ATXN7: variants seen among roughly 807,000 people sequenced by gnomAD.
ATXN7 encodes ataxin 7.
ATXN7 carries 12 observed loss-of-function variants against 70.5 expected under a neutral mutation model. The observed-to-expected ratio is 0.17, with a 90% CI of 0.11 to 0.28. The LOEUF (loss-of-function observed/expected upper bound fraction) is 0.28. Ranked by LOEUF, ATXN7 falls within the 10% of genes least tolerant of loss-of-function variation. The pLI, the probability that ATXN7 is intolerant of heterozygous loss-of-function variation, is 1.00. For missense variants in ATXN7, 1,256 were observed against 1,131.7 expected (o/e 1.11, Z -1.58); for synonymous variants, 498 against 448.7 (o/e 1.11, Z -1.39).
chr3:63,980,032 C>T lies in ATXN7; in HGVS notation c.617C>T (p.Ser206Phe). The T allele has an allele frequency of 6.2e-7, 1 of 1,614,178 alleles. No homozygotes were observed. The change falls in exon 6 of 13, where the codon TCT becomes TTT. Residue 206 changes from serine (S) to phenylalanine (F), a missense_variant. Coordinates refer to ENST00000674280, the MANE Select transcript of ATXN7 (RefSeq NM_001377405.1). The stretch of plus-strand genomic sequence containing the variant: ...GGCAGTGCAAGTGGAAGCAACCGTT[C>T]TTCCAGTGGAGGTGTTCTTAGCGCA... ...KGGSASGSNR[S>F]SSGGVLSASS...
intron 1 of ATXN7, among the ~76,000 whole-genome samples, chr3:63,892,478 C>T (rs1703303824): frequency 5.4e-5 from 8 of 148,844 alleles, no homozygotes; most frequent in Admixed American, 4.0e-4. Context: ...CACACACACA[C>T]ACACACACAC....
At chr3:63,989,150 C>G (rs942420908) in intron 9 of ATXN7, among the ~76,000 whole-genome samples, 1 of 152,182 alleles carries the variant, frequency 6.6e-6, no homozygotes, top group Non-Finnish European at 1.5e-5. Context: ...TAGAGCCTGT[C>G]CCAACGTGAG....
chr3:63,950,305 A>G (rs1487488608), intron 4 of ATXN7, among the ~76,000 whole-genome samples: 1 of 152,222 alleles, frequency 6.6e-6, no homozygotes, highest in African/African-American at 2.4e-5. Flanking sequence ...GTTAGTCCAC[A>G]GAAGAATCTG....
chr3:63,990,233 C>A lies in ATXN7; in HGVS notation c.1419C>A (p.Val473=), dbSNP rs779490605. The stretch of plus-strand genomic sequence containing the variant: ...GTGCCCCCATTGACCCTCCTCCAGT[C>A]CATGAATCTCCACACCCTCCCCTGC... ...GGSAPIDPPP[V]HESPHPPLPA... is the part of the protein sequence containing the mutation. The change falls in exon 10 of 13, where the codon GTC becomes GTA. Residue 473 remains valine (V), a synonymous_variant. Transcript: ENST00000674280. 6.2e-7 allele frequency: 1 copy of A among 1,613,976 alleles called. No homozygotes were observed. The highest frequency in any genetic ancestry group is 1.7e-5 in the Admixed American group (1 of 60,028).
intron 4 of ATXN7, among the ~76,000 whole-genome samples, chr3:63,923,880 T>C (rs1704599380): frequency 6.6e-6 from 1 of 152,100 alleles, no homozygotes; most frequent in Non-Finnish European, 1.5e-5. Flanking sequence ...AGGGAAATAA[T>C]GCTGACAAGG....
chr3:63,970,794 G>T (rs912849441), intron 5 of ATXN7, among the ~76,000 whole-genome samples: 4 of 152,162 alleles, frequency 2.6e-5, no homozygotes, highest in Admixed American at 1.3e-4. Flanking sequence ...TTTGTGATCT[G>T]TTCTCTTTCA....
chr3:63,982,461 C>CT lies in ATXN7; in HGVS notation c.1012+19dup, dbSNP rs1345073589. The CT allele has an allele frequency of 6.4e-7, 1 of 1,571,614 alleles. No individual in the cohort carries two copies. Among genetic ancestry groups the CT allele is most frequent in the Admixed American group, 1.7e-5 (1 of 57,600 alleles). On this transcript the variant is annotated intron_variant, in intron 7 of 12. Coordinates refer to ENST00000674280, the MANE Select transcript of ATXN7 (RefSeq NM_001377405.1). Reference sequence around the variant, plus strand: ...AGATTATCAGGTAACTTCAAATTTTCTTTCTTCATAATGCTTCTCTATATA... The same window carrying CT: ...AGATTATCAGGTAACTTCAAATTTTCTTTTCTTCATAATGCTTCTCTATATA...
chr3:63,988,191 C>A lies in ATXN7; in HGVS notation c.1228C>A (p.Pro410Thr). The change falls in exon 9 of 13, where the codon CCT becomes ACT. Residue 410 changes from proline (P) to threonine (T), a missense_variant. By Grantham distance (38) the Pro-to-Thr change is conservative. Transcript: ENST00000674280. ...RHPDSQQPPQPLRDPHPAPPR... is the reference protein window; with the variant it reads ...RHPDSQQPPQTLRDPHPAPPR... The stretch of plus-strand genomic sequence containing the variant: ...TCCGGACTCTCAGCAACCACCGCAG[C>A]CTCTCAGGGACCCGCATCCCGCCCC... The A allele has an allele frequency of 6.2e-7, 1 of 1,614,036 alleles. No homozygotes were observed. The highest frequency in any genetic ancestry group is 8.5e-7 in the Non-Finnish European group (1 of 1,179,982).
At chr3:63,865,384 T>C (rs1702380486) in intron 1 of ATXN7, 1 of 152,172 alleles carries the variant, frequency 6.6e-6, no homozygotes, top group Admixed American at 6.5e-5. Flanking sequence ...TCCCCTAAGG[T>C]ATGAAGTTTC....
At position 63,931,526 on chromosome 3, in the gene ATXN7, A is replaced by G. The variant is rs73834141; in HGVS notation, c.394+18301A>G. Among the ~76,000 whole-genome samples, 791 of 152,236 alleles carry G rather than the reference A, an allele frequency of 5.2e-3. 6 individuals are homozygous for G. Among genetic ancestry groups the G allele is most frequent in the African/African-American group, 0.018 (752 of 41,548 alleles). ...GGACTTTCTCTTGCTACAGAGAGCA[A>G]ACTGAAGGCCCCTGGCTAATGAGGC... On this transcript the variant is annotated intron_variant, in intron 4 of 12. Coordinates refer to ENST00000674280, the MANE Select transcript of ATXN7 (RefSeq NM_001377405.1).
At chr3:63,943,433 A>C (rs1187535285) in intron 4 of ATXN7, among the ~76,000 whole-genome samples, 3 of 152,348 alleles carry the variant, frequency 2.0e-5, no homozygotes, top group South Asian at 4.1e-4. Context: ...GGGGGAGTGT[A>C]GAGTGGGCCC....
At chr3:63,933,700 T>G (rs748932212) in intron 4 of ATXN7, among the ~76,000 whole-genome samples, 6 of 152,302 alleles carry the variant, frequency 3.9e-5, no homozygotes, top group Non-Finnish European at 8.8e-5. Context: ...AAGTAAAATT[T>G]CCCTGTGACT....
chr3:63,876,877 G>A (rs1160415501), intron 1 of ATXN7, among the ~76,000 whole-genome samples: 5 of 152,152 alleles, frequency 3.3e-5, no homozygotes, highest in Non-Finnish European at 7.4e-5. Flanking sequence ...CATCTGCATG[G>A]CGTTCTTACA....
intron 1 of ATXN7, among the ~76,000 whole-genome samples, chr3:63,896,898 T>C (rs1703465292): frequency 6.6e-6 from 1 of 152,174 alleles, no homozygotes; most frequent in Admixed American, 6.5e-5. Flanking sequence ...TTTGGAGAAA[T>C]AGCAGCAGTG....
chr3:63,914,034 G>A (rs1454803107), intron 4 of ATXN7, among the ~76,000 whole-genome samples: 2 of 152,146 alleles, frequency 1.3e-5, no homozygotes, highest in Non-Finnish European at 2.9e-5. Flanking sequence ...GTGAACTTCG[G>A]GTTCAGTTTC....
chr3:63,968,450 T>C (rs1438122859), intron 5 of ATXN7: 2 of 152,926 alleles, frequency 1.3e-5, no homozygotes, highest in Non-Finnish European at 2.9e-5. Flanking sequence ...GTTTGTTTTT[T>C]ATCTTACTTG....
chr3:63,923,578 G>A (rs755952846), intron 4 of ATXN7, among the ~76,000 whole-genome samples: 2 of 152,124 alleles, frequency 1.3e-5, no homozygotes, highest in African/African-American at 4.8e-5. Flanking sequence ...AGACTGAGGC[G>A]GGAGGATCAC....
chr3:63,876,464 G>T (rs990016030), intron 1 of ATXN7, among the ~76,000 whole-genome samples: 1 of 152,108 alleles, frequency 6.6e-6, no homozygotes, highest in African/African-American at 2.4e-5. Flanking sequence ...GGAATCGCTT[G>T]TTCAAATTTA....
intron 2 of ATXN7, among the ~76,000 whole-genome samples, chr3:63,910,814 T>A (rs1703986338): frequency 6.6e-6 from 1 of 152,150 alleles, no homozygotes; most frequent in Non-Finnish European, 1.5e-5. Flanking sequence ...TCTAAATCTT[T>A]CTAAAATAAA....
Sources: gnomAD v4.1 joint callset for allele counts (sites outside exome capture counted in the v4.1 genomes callset) on GRCh38, gnomAD v4.1.1 for gene constraint, MANE v1.5 for transcripts, NCBI Gene and HGNC (gene_info 2026-07-23, HGNC 2026-07-21) for gene names.